SLCO5A1: variants seen among roughly 807,000 people sequenced by gnomAD.
SLCO5A1 encodes solute carrier organic anion transporter family member 5A1, also known as organic anion transporter polypeptide-related protein 4.
Under a neutral mutation model 65.1 loss-of-function variants are expected in SLCO5A1, and 39 were observed. That is an observed-to-expected ratio of 0.60 (90% CI 0.46 to 0.78). The LOEUF (loss-of-function observed/expected upper bound fraction) is 0.78, where lower values mean the gene tolerates loss of function less well. SLCO5A1 is among the 30% of genes least tolerant of loss of function. SLCO5A1 has a pLI of 0.00. For missense variants in SLCO5A1, 1,029 were observed against 1,069.4 expected, an observed-to-expected ratio of 0.96 and a Z score of 0.53; for synonymous variants, 438 against 415.7, an observed-to-expected ratio of 1.05 and a Z score of -0.65.
At chr8:69,784,085 A>T (rs1818912072) in intron 2 of SLCO5A1, among the ~76,000 whole-genome samples, 1 of 152,186 alleles carries the variant, frequency 6.6e-6, no homozygotes. Flanking sequence ...TTTTTAACCT[A>T]AAAAGCTACA....
At position 69,673,371 on chromosome 8, in the gene SLCO5A1, T is replaced by C. The variant is rs779537059; in HGVS notation, c.2090-45A>G. On this transcript the variant is annotated intron_variant, in intron 9 of 9. Coordinates refer to ENST00000260126, the MANE Select transcript of SLCO5A1 (RefSeq NM_030958.3). ...GAAAATACGAAGACTTAGCACATCT[T>C]CCAAGGGAAAACAGGTTTGTAAATT... 8 of 1,519,848 alleles carry C rather than the reference T, an allele frequency of 5.3e-6. No individual in the cohort carries two copies. The Admixed American group carries it at 1.4e-4, about 27-fold the overall frequency. 94.1% of individuals were successfully genotyped at this position (1,519,848 alleles called of 1,614,324 possible).
chr8:69,707,591 G>A (rs111392716), intron 5 of SLCO5A1, among the ~76,000 whole-genome samples: 10 of 152,318 alleles, frequency 6.6e-5, no homozygotes, highest in African/African-American at 1.4e-4. Context: ...AATGGAGGGC[G>A]CTGAAGAATT....
chr8:69,728,090 G>A (rs898358690), intron 5 of SLCO5A1, among the ~76,000 whole-genome samples: 15 of 152,096 alleles, frequency 9.9e-5, no homozygotes, highest in African/African-American at 1.4e-4. Flanking sequence ...ATAGAGTACC[G>A]TGCAGCTATC....
At chr8:69,805,229 G>A (rs923021945) in intron 2 of SLCO5A1, among the ~76,000 whole-genome samples, 3 of 152,106 alleles carry the variant, frequency 2.0e-5, no homozygotes, top group African/African-American at 4.8e-5. Flanking sequence ...TTAAAACATA[G>A]CTTGGAGCAA....
chr8:69,728,642 C>T (rs1816197198), intron 5 of SLCO5A1, among the ~76,000 whole-genome samples: 2 of 151,962 alleles, frequency 1.3e-5, no homozygotes, highest in South Asian at 4.1e-4. Flanking sequence ...TGCTATATGT[C>T]TTATGGTTTA....
intron 4 of SLCO5A1, among the ~76,000 whole-genome samples, chr8:69,746,147 C>G (rs1389168763): frequency 6.6e-6 from 1 of 152,074 alleles, no homozygotes; most frequent in African/African-American, 2.4e-5. Flanking sequence ...CCTTTGAGGG[C>G]AAGGTCTGTA....
chr8:69,724,173 A>G (rs1563684502), intron 5 of SLCO5A1, among the ~76,000 whole-genome samples: 1 of 152,144 alleles, frequency 6.6e-6, no homozygotes, highest in Non-Finnish European at 1.5e-5. Context: ...ATACCTATTC[A>G]ATTTTTTACA....
intron 2 of SLCO5A1, among the ~76,000 whole-genome samples, chr8:69,796,101 G>T (rs772777878): frequency 3.9e-5 from 6 of 152,172 alleles, no homozygotes; most frequent in Non-Finnish European, 8.8e-5. Flanking sequence ...TAGGCCTCTG[G>T]GCCTGTGATG....
intron 2 of SLCO5A1, among the ~76,000 whole-genome samples, chr8:69,808,365 A>G (rs1447148072): frequency 6.6e-6 from 1 of 151,990 alleles, no homozygotes; most frequent in Non-Finnish European, 1.5e-5. Flanking sequence ...TGTTGTTACT[A>G]TGTCCATGTG....
rs116787637 is a variant in SLCO5A1 at position 69,754,277 on chromosome 8, G to C, written c.1258+1147C>G. On this transcript the variant is annotated intron_variant, in intron 4 of 9. Transcript: ENST00000260126. ...GTCACAAAATCATGGGAAGGGAGAGGGCCACATCTAAAATGTAACTGGAAA... is the reference window on the plus strand; with the variant it reads ...GTCACAAAATCATGGGAAGGGAGAGCGCCACATCTAAAATGTAACTGGAAA... 8.7e-3 allele frequency among the ~76,000 whole-genome samples: 1,319 copies of C among 152,148 alleles called. 21 individuals carry two copies. Among genetic ancestry groups the C allele is most frequent in the African/African-American group, 0.03 (1,254 of 41,492 alleles).
chr8:69,769,988 C>A (rs1818245872), intron 2 of SLCO5A1, among the ~76,000 whole-genome samples: 1 of 152,146 alleles, frequency 6.6e-6, no homozygotes, highest in East Asian at 1.9e-4. Context: ...GTGACAATAA[C>A]AATAGTAATA....
intron 4 of SLCO5A1, among the ~76,000 whole-genome samples, chr8:69,746,524 T>G (rs1222955812): frequency 6.6e-6 from 1 of 152,178 alleles, no homozygotes; most frequent in East Asian, 1.9e-4. Context: ...GATGGGGATT[T>G]TTATTGATAA....
At chr8:69,807,657 A>C (rs989356162) in intron 2 of SLCO5A1, among the ~76,000 whole-genome samples, 1 of 152,188 alleles carries the variant, frequency 6.6e-6, no homozygotes, top group African/African-American at 2.4e-5. Context: ...AACGTCCTCT[A>C]GGTTCATCCG....
At position 69,672,989 on chromosome 8, in the gene SLCO5A1, G is replaced by T. The variant is rs757461855; in HGVS notation, c.2427C>A (p.Gly809=). Residue 809 remains glycine, a synonymous_variant, in exon 10 of 10, where the codon GGC becomes GGA. Coordinates refer to ENST00000260126, the MANE Select transcript of SLCO5A1 (RefSeq NM_030958.3). Reference sequence around the variant, plus strand: ...CTGCGCACTGGATCCCTTTTTGCAGGCCAGTCTCTTCGTGGAATTCTCCCT... The same window carrying T: ...CTGCGCACTGGATCCCTTTTTGCAGTCCAGTCTCTTCGTGGAATTCTCCCT... ...STQGEFHEET[G]LQKGIQCAAQ... is the part of the protein sequence containing the mutation. 36 of 1,614,058 alleles carry T rather than the reference G, an allele frequency of 2.2e-5. 1 individual carries two copies. In the South Asian group the frequency reaches 3.2e-4, roughly 14 times the overall value.
At chr8:69,784,879 G>T (rs1158685260) in intron 2 of SLCO5A1, among the ~76,000 whole-genome samples, 1 of 99,558 alleles carries the variant, frequency 1.0e-5, no homozygotes, top group Non-Finnish European at 2.1e-5. Flanking sequence ...GAAGGAGAAA[G>T]AAAGAAAGAA....
intron 6 of SLCO5A1, 130 bp from the exon 7 acceptor site, chr8:69,682,473 A>C (rs574843990): frequency 4.7e-6 from 4 of 843,374 alleles, no homozygotes; most frequent in Admixed American, 7.8e-5. Context: ...CATGATACCC[A>C]AAGTAGTCAT....
At chr8:69,740,337 T>C (rs193156408) in intron 4 of SLCO5A1, among the ~76,000 whole-genome samples, 1 of 152,272 alleles carries the variant, frequency 6.6e-6, no homozygotes, top group East Asian at 1.9e-4. Context: ...TAGAAAGTTA[T>C]AAATACATTG....
chr8:69,802,655 C>T (rs1035741492), intron 2 of SLCO5A1, among the ~76,000 whole-genome samples: 1 of 152,110 alleles, frequency 6.6e-6, no homozygotes. Flanking sequence ...CCCTCAACTC[C>T]CAGTAAGACC....
intron 6 of SLCO5A1, among the ~76,000 whole-genome samples, chr8:69,694,531 C>T (rs1290059097): frequency 2.0e-5 from 3 of 152,220 alleles, no homozygotes; most frequent in African/African-American, 4.8e-5. Flanking sequence ...CAGCCACATA[C>T]TGTTGAGCAG....
Sources: allele counts gnomAD v4.1 joint callset (sites outside exome capture counted in the v4.1 genomes callset), GRCh38; gene constraint gnomAD v4.1.1; transcripts MANE v1.5; gene names NCBI Gene and HGNC (gene_info 2026-07-23, HGNC 2026-07-21).